Variants in GLIS3 observed in about 807,000 individuals in gnomAD.
The protein encoded by GLIS3 is GLIS family zinc finger 3.
In GLIS3, 53 loss-of-function variants were observed where a neutral mutation model predicts 78.6. The observed-to-expected ratio is 0.67, with a 90% CI of 0.54 to 0.85. The LOEUF is 0.85. Among genes scored for constraint, GLIS3 ranks in the 40% least tolerant of loss-of-function variants. The probability of loss-of-function intolerance (pLI) is 0.00; values close to 1 mark genes in which losing one functional copy is unlikely to be tolerated. For synonymous variants in GLIS3, 684 were observed against 509.9 expected (o/e 1.34, Z -4.60); for missense variants, 1,703 against 1,231.1 (o/e 1.38, Z -5.74).
intron 2 of GLIS3, among the ~76,000 whole-genome samples, chr9:4,337,376 A>G (rs1274585664): frequency 6.6e-6 from 1 of 152,246 alleles, no homozygotes; most frequent in Non-Finnish European, 1.5e-5. Flanking sequence ...TGCAGCTATT[A>G]AAGTGATATG....
chr9:4,310,817 C>A (rs1338948407), intron 2 of GLIS3, among the ~76,000 whole-genome samples: 1 of 152,144 alleles, frequency 6.6e-6, no homozygotes, highest in African/African-American at 2.4e-5. Context: ...CCACTCTGCC[C>A]ACATCCTTCT....
intron 4 of GLIS3, among the ~76,000 whole-genome samples, chr9:3,960,920 G>A (rs1817506200): frequency 6.6e-6 from 1 of 152,192 alleles, no homozygotes; most frequent in South Asian, 2.1e-4. Context: ...GCTTTTGTAA[G>A]GCTAAAGAAG....
intron 4 of GLIS3, among the ~76,000 whole-genome samples, chr9:3,943,305 G>A (rs1035987959): frequency 6.6e-6 from 1 of 152,162 alleles, no homozygotes; most frequent in Non-Finnish European, 1.5e-5. Flanking sequence ...TCGATTATGT[G>A]GAGTAATAGG....
chr9:4,015,173 A>T (rs1477713557), intron 4 of GLIS3, among the ~76,000 whole-genome samples: 2 of 152,206 alleles, frequency 1.3e-5, no homozygotes, highest in African/African-American at 4.8e-5. Flanking sequence ...AATCTGAAAG[A>T]TATATTAGAA....
chr9:4,476,393 C>G, the GLIS3 span, among the ~76,000 whole-genome samples: 2 of 152,004 alleles, frequency 1.3e-5, no homozygotes, highest in African/African-American at 4.8e-5. Flanking sequence ...CAGAGTTTCC[C>G]TCTTGTCACC....
chr9:4,088,332 T>G (rs567498585), intron 4 of GLIS3, among the ~76,000 whole-genome samples: 1 of 152,228 alleles, frequency 6.6e-6, no homozygotes, highest in Admixed American at 6.5e-5. Context: ...ATAAAACATA[T>G]GCTTAGGCTA....
chr9:4,218,310 G>T (rs555477485), intron 2 of GLIS3, among the ~76,000 whole-genome samples: 91 of 151,806 alleles, frequency 6.0e-4, no homozygotes, highest in Non-Finnish European at 9.3e-4. Flanking sequence ...TTGAGATGGA[G>T]TCTCGCTCTG....
chr9:4,479,970 G>C, the GLIS3 span, among the ~76,000 whole-genome samples: 1 of 145,860 alleles, frequency 6.9e-6, no homozygotes, highest in Non-Finnish European at 1.5e-5. Context: ...AGCCAGGCTG[G>C]TCTTGAACTC....
intron 2 of GLIS3, among the ~76,000 whole-genome samples, chr9:4,135,251 G>C (rs1395727369): frequency 6.6e-6 from 1 of 152,034 alleles, no homozygotes; most frequent in Admixed American, 6.6e-5. Flanking sequence ...ATGTATTTGT[G>C]TATGTGTCCA....
chr9:4,202,467 T>C (rs1563748276), intron 2 of GLIS3, among the ~76,000 whole-genome samples: 2 of 148,254 alleles, frequency 1.3e-5, no homozygotes, highest in Admixed American at 6.7e-5. Flanking sequence ...TAAAAATAAA[T>C]AAATAAAATT....
chr9:4,260,273 A>T (rs1030962724), intron 2 of GLIS3, among the ~76,000 whole-genome samples: 1 of 152,128 alleles, frequency 6.6e-6, no homozygotes, highest in Non-Finnish European at 1.5e-5. Context: ...TCTACTGAAA[A>T]TACAAAAATT....
At chr9:4,162,680 T>TC (rs1835577470) in intron 2 of GLIS3, among the ~76,000 whole-genome samples, 3 of 151,456 alleles carry the variant, frequency 2.0e-5, no homozygotes, top group East Asian at 3.9e-4. Flanking sequence ...CACGGTGAAA[T>TC]CCCATCTCTA....
At chr9:3,857,598 AAAG>A (rs1194671838) in intron 8 of GLIS3, among the ~76,000 whole-genome samples, 4 of 152,224 alleles carry the variant, frequency 2.6e-5, no homozygotes, top group Non-Finnish European at 5.9e-5. Context: ...CCTCTAGGGA[AAAG>A]AAGTCAAGGC....
intron 4 of GLIS3, among the ~76,000 whole-genome samples, chr9:4,089,595 G>A (rs1829320382): frequency 6.6e-6 from 1 of 152,170 alleles, no homozygotes; most frequent in Non-Finnish European, 1.5e-5. Context: ...GGAGACCCAA[G>A]CAGGAGGATC....
At chr9:4,103,265 C>T (rs1376321195) in intron 4 of GLIS3, among the ~76,000 whole-genome samples, 3 of 152,062 alleles carry the variant, frequency 2.0e-5, no homozygotes, top group Non-Finnish European at 4.4e-5. Flanking sequence ...CATTAGGCTT[C>T]GTTGGTCAAG....
intron 4 of GLIS3, among the ~76,000 whole-genome samples, chr9:4,025,863 G>A (rs548983396): frequency 2.5e-4 from 38 of 152,140 alleles, no homozygotes; most frequent in African/African-American, 9.2e-4. Context: ...TTTGCCCATG[G>A]GGAGTTTTAT....
rs111448618 is a variant in GLIS3, at chr9:3,919,367, T to A, written c.1983+12993A>T. 5.7e-3 allele frequency among the ~76,000 whole-genome samples: 867 copies of A among 152,302 alleles called. 17 individuals are homozygous for A. The highest frequency in any genetic ancestry group is 0.02 in the African/African-American group (836 of 41,566). On this transcript the variant is annotated intron_variant, in intron 6 of 10. Coordinates refer to ENST00000381971, the MANE Select transcript of GLIS3 (RefSeq NM_001042413.2). ...GTTAGTCATTTAACGTCTCTGAACC[T>A]GAGGTCTTTCATCTCTAAAATGAAA...
rs78157409 is a variant in GLIS3, at chr9:4,104,392, C to T, written c.1710+13376G>A. On this transcript the variant is annotated intron_variant, in intron 4 of 10. Coordinates refer to ENST00000381971, the MANE Select transcript of GLIS3 (RefSeq NM_001042413.2). ...CTACCTATGTTTAGATAGCCAGAAT[C>T]CAACCAGCTATCCCAACTTCTACCA... Among the ~76,000 whole-genome samples, 1,327 of 152,268 alleles carry T rather than the reference C, an allele frequency of 8.7e-3. 12 individuals are homozygous for T. The highest frequency in any genetic ancestry group is 0.013 in the Non-Finnish European group (893 of 68,004).
rs184997907 is a variant in GLIS3 at position 4,154,045 on chromosome 9, G to A, written c.389-28104C>T. Among the ~76,000 whole-genome samples the A allele has an allele frequency of 7.9e-3, 1,206 of 152,290 alleles. 18 individuals carry two copies. The highest frequency in any genetic ancestry group is 0.028 in the African/African-American group (1,149 of 41,538). On this transcript the variant is annotated intron_variant, in intron 2 of 10. Transcript: ENST00000381971. ...GGCTATCAGCTAGGAGCTACGCTGA[G>A]GCTGTCAATAAGAACACCAACACAT...
Sources: allele counts gnomAD v4.1 joint callset (sites outside exome capture counted in the v4.1 genomes callset), GRCh38; gene constraint gnomAD v4.1.1; transcripts MANE v1.5; gene names NCBI Gene and HGNC (gene_info 2026-07-23, HGNC 2026-07-21).